Variants in HEG1 observed in about 807,000 individuals in gnomAD.
HEG1 encodes protein HEG homolog 1.
A neutral mutation model predicts 125.6 loss-of-function variants in HEG1; 56 were observed. The ratio of observed to expected loss-of-function variants is 0.45; its 90% CI spans 0.36 to 0.56. The LOEUF (loss-of-function observed/expected upper bound fraction) is 0.56, where lower values mean the gene tolerates loss of function less well. Among genes scored for constraint, HEG1 ranks in the 20% least tolerant of loss-of-function variants. HEG1 has a pLI of 0.00. For missense variants in HEG1, 1,523 were observed against 1,670.0 expected (o/e 0.91, Z 1.53); for synonymous variants, 644 against 668.5 (o/e 0.96, Z 0.57).
Position 124,999,710 on chromosome 3 carries a change from T to G in HEG1, c.3518-1887A>C, listed in dbSNP as rs532507274. Among the ~76,000 whole-genome samples, 3 of 152,334 alleles carry G rather than the reference T, an allele frequency of 2.0e-5. No homozygotes were observed. In the South Asian group the frequency reaches 6.2e-4, roughly 32 times the overall value. ...AATATTCTACCATAAATTCATCCAA[T>G]AGGACCACGTAGAATCCCATTTTCA... On this transcript the variant is annotated intron_variant, in intron 11 of 16. Transcript: ENST00000311127.
At position 124,990,974 on chromosome 3, in the gene HEG1, C is replaced by A; in HGVS notation, c.3665G>T (p.Gly1222Val). 6.4e-7 allele frequency: 1 copy of A among 1,558,300 alleles called. No homozygotes were observed. The change falls in exon 13 of 17, where the codon GGA becomes GTA. Residue 1222 changes from glycine (G) to valine (V), a missense_variant. Physicochemically the swap from Gly to Val is moderately radical, Grantham distance 109. Transcript: ENST00000311127. The stretch of plus-strand genomic sequence containing the variant: ...GCAGGTTTCATTTTCAAGCCTATAT[C>A]CATCTTCACATGCTGAAAGACAAAA... ...MDHSCRACED[G>V]YRLENETCMS...
chr3:125,011,738 A>G (rs1245040189), intron 6 of HEG1, among the ~76,000 whole-genome samples: 5 of 152,188 alleles, frequency 3.3e-5, no homozygotes. Flanking sequence ...GCCACTACAA[A>G]GCATCATCTC....
rs367555841 is a variant in HEG1 at position 124,970,607 on chromosome 3, C to A, written c.*45G>T. The A allele has an allele frequency of 1.3e-6, 2 of 1,549,916 alleles. No individual in the cohort carries two copies. Among genetic ancestry groups the A allele is most frequent in the South Asian group, 1.2e-5 (1 of 83,968 alleles). ...CTGGTGCGGTCCTCTGAGCAGAGGTCCCAGGTGACTGGCTCAGAGCAATGA... is the reference window on the plus strand; with the variant it reads ...CTGGTGCGGTCCTCTGAGCAGAGGTACCAGGTGACTGGCTCAGAGCAATGA... On this transcript the variant is annotated 3_prime_UTR_variant, in exon 17 of 17. Transcript: ENST00000311127.
intron 1 of HEG1, among the ~76,000 whole-genome samples, chr3:125,035,215 C>T (rs1481980743): frequency 6.6e-6 from 1 of 152,132 alleles, no homozygotes; most frequent in East Asian, 1.9e-4. Context: ...ATCTGCCCAC[C>T]TCAGCCTCAC....
intron 1 of HEG1, among the ~76,000 whole-genome samples, chr3:125,040,120 GAACA>G (rs1379578252): frequency 6.6e-6 from 1 of 152,152 alleles, no homozygotes; most frequent in Non-Finnish European, 1.5e-5. Flanking sequence ...TGAGCTTGAG[GAACA>G]AGAAAAGTCT....
chr3:125,040,539 G>C (rs1052770051), intron 1 of HEG1, among the ~76,000 whole-genome samples: 2 of 152,150 alleles, frequency 1.3e-5, no homozygotes, highest in South Asian at 4.1e-4. Context: ...CTCCCCGGTA[G>C]AGCATTCCTG....
chr3:125,040,130 AG>A (rs1236137811), intron 1 of HEG1, among the ~76,000 whole-genome samples: 1 of 152,206 alleles, frequency 6.6e-6, no homozygotes, highest in African/African-American at 2.4e-5. Context: ...GAACAAGAAA[AG>A]TCTGTTTTTG....
At chr3:125,024,336 G>A (rs1321823984) in intron 3 of HEG1, among the ~76,000 whole-genome samples, 1 of 152,068 alleles carries the variant, frequency 6.6e-6, no homozygotes, top group Non-Finnish European at 1.5e-5. Context: ...TGCCCCACCC[G>A]GTTTCCCTTT....
chr3:125,020,715 G>A, intron 4 of HEG1, 77 bp downstream of exon 4: 1 of 1,192,996 alleles, frequency 8.4e-7, no homozygotes, highest in Non-Finnish European at 1.2e-6. Context: ...ATTACAAATG[G>A]TCTTGAAGAG....
intron 9 of HEG1, 67 bp downstream of exon 9, chr3:125,005,198 C>G: frequency 1.1e-6 from 1 of 917,270 alleles, no homozygotes; most frequent in Non-Finnish European, 1.7e-6. Context: ...TAGGCAGTCC[C>G]CTCTTGGAAT....
chr3:125,001,205 A>C (rs1457555581), intron 11 of HEG1, among the ~76,000 whole-genome samples: 1 of 152,056 alleles, frequency 6.6e-6, no homozygotes, highest in Admixed American at 6.5e-5. Flanking sequence ...CAAACAAACA[A>C]ACACAAAGGA....
intron 3 of HEG1, among the ~76,000 whole-genome samples, chr3:125,021,753 A>C (rs1025359974): frequency 5.9e-5 from 9 of 152,188 alleles, no homozygotes; most frequent in African/African-American, 1.4e-4. Context: ...AAAGACTATT[A>C]ACCAAACTGC....
chr3:125,015,789 A>G (rs1194699623), intron 5 of HEG1, among the ~76,000 whole-genome samples: 1 of 152,108 alleles, frequency 6.6e-6, no homozygotes, highest in Admixed American at 6.5e-5. Flanking sequence ...GCTGTACAAA[A>G]AGAAAAAAAA....
Position 125,029,382 on chromosome 3 carries a change from G to A in HEG1, c.423C>T (p.Gly141=), listed in dbSNP as rs2860440. The A allele has an allele frequency of 0.51, 823,937 of 1,612,540 alleles. 212,695 individuals are homozygous for A. The highest frequency in any genetic ancestry group is 0.59 in the South Asian group (54,176 of 91,054). ...TCTTCCCAGAGGTCTGAACCATCAC[G>A]CCCTCTTTGGAGGACACTGTTGAAA... ...EDFSTVSSKE[G]VMVQTSGKSH... is the part of the protein sequence containing the mutation. The change falls in exon 2 of 17, where the codon GGC becomes GGT. Residue 141 remains glycine (G), a synonymous_variant. Coordinates refer to ENST00000311127, the MANE Select transcript of HEG1 (RefSeq NM_020733.2).
Position 125,010,476 on chromosome 3 carries a change from C to T in HEG1, c.3036G>A (p.Arg1012=). The change falls in exon 7 of 17, where the codon AGG becomes AGA. Residue 1012 remains arginine (R), a synonymous_variant. Transcript: ENST00000311127. ...ADNTSRGYHC[R]CPPSWQGDDC... ...CATCCCCTTGCCAGGAAGGCGGGCA[C>T]CTGCAGTGGTAGCCACGGCTGGTGT... 1 of 1,559,326 alleles carries T rather than the reference C, an allele frequency of 6.4e-7. No individual in the cohort carries two copies. The highest frequency in any genetic ancestry group is 8.7e-7 in the Non-Finnish European group (1 of 1,150,792).
At chr3:125,053,181 A>G (rs992412366) in intron 1 of HEG1, among the ~76,000 whole-genome samples, 1 of 152,196 alleles carries the variant, frequency 6.6e-6, no homozygotes. Context: ...AGACATTTGC[A>G]TGGGACACAT....
chr3:125,028,231 C>T (rs570211665), intron 2 of HEG1, among the ~76,000 whole-genome samples: 42 of 152,320 alleles, frequency 2.8e-4, no homozygotes, highest in African/African-American at 9.6e-4. Flanking sequence ...GCCTGCCAGG[C>T]GAATCCTCCT....
At chr3:125,009,628 C>G (rs6438868) in intron 8 of HEG1, 77 bp downstream of exon 8, 877,491 of 1,419,192 alleles carry the variant, frequency 0.62, 272,057 homozygotes, top group Middle Eastern at 0.67. Context: ...TTTTGGTTAG[C>G]AAGAAAAATA....
chr3:125,008,492 C>T (rs1334869324), intron 8 of HEG1, among the ~76,000 whole-genome samples: 1 of 152,158 alleles, frequency 6.6e-6, no homozygotes, highest in Non-Finnish European at 1.5e-5. Context: ...TGCCAGTTTC[C>T]TTACTTAGCT....
Sources: gnomAD v4.1 joint callset for allele counts (sites outside exome capture counted in the v4.1 genomes callset) on GRCh38, gnomAD v4.1.1 for gene constraint, MANE v1.5 for transcripts, NCBI Gene and HGNC (gene_info 2026-07-23, HGNC 2026-07-21) for gene names.